Variants in RSPH3 observed in about 807,000 individuals in gnomAD.
RSPH3 encodes the protein radial spoke head protein 3 homolog.
A neutral mutation model predicts 43.8 loss-of-function variants in RSPH3; 21 were observed. The ratio of observed to expected loss-of-function variants is 0.48; its 90% confidence interval spans 0.34 to 0.69. The LOEUF (loss-of-function observed/expected upper bound fraction) is 0.69, where lower values mean the gene tolerates loss of function less well. Among genes scored for constraint, RSPH3 ranks in the 30% least tolerant of loss-of-function variants. The pLI, the probability that RSPH3 is intolerant of heterozygous loss-of-function variation, is 0.01. For missense variants in RSPH3, 487 were observed against 516.0 expected (o/e 0.94, Z 0.54); for synonymous variants, 173 against 179.8 (o/e 0.96, Z 0.30).
At position 158,977,435 on chromosome 6, in the gene RSPH3, TA is replaced by T; in HGVS notation, c.*102del. The T allele has an allele frequency of 9.9e-7, 1 of 1,008,782 alleles. No homozygotes were observed. The highest frequency in any genetic ancestry group is 1.5e-6 in the Non-Finnish European group (1 of 684,628). 62.5% of individuals were successfully genotyped at this position (1,008,782 alleles called of 1,614,324 possible). On this transcript the variant is annotated 3_prime_UTR_variant, in exon 8 of 8. Coordinates refer to ENST00000367069, the MANE Select transcript of RSPH3 (RefSeq NM_031924.8). ...CCATTACACAAAAAGACATACTGAC[TA>T]AATACAACATAATTTCTATAACCTG...
Position 158,983,734 on chromosome 6 carries a change from G to C in RSPH3, c.420C>G (p.Asp140Glu). ...DMECQTDAFL[D>E]RPPTPLFIPA... ...GAATAAAGAGTGGTGTTGGTGGTCT[G>C]TCCAAAAATGCATCTGTTTGGCATT... is the stretch of plus-strand genomic sequence containing the variant. The change falls in exon 4 of 8, where the codon GAC becomes GAG. Residue 140 changes from aspartate to glutamate, a missense_variant. Physicochemically the swap from Asp to Glu is conservative, Grantham distance 45. Coordinates refer to ENST00000367069, the MANE Select transcript of RSPH3 (RefSeq NM_031924.8). The C allele has an allele frequency of 6.2e-7, 1 of 1,610,840 alleles. No individual in the cohort carries two copies. Among genetic ancestry groups the C allele is most frequent in the Admixed American group, 1.7e-5 (1 of 60,018 alleles).
rs185236699 is a variant in RSPH3 at position 158,993,351 on chromosome 6, C to T, written c.204+488G>A. On this transcript the variant is annotated intron_variant, in intron 2 of 7. Transcript: ENST00000367069. ...CAGAATGGTCTTGATCTCCTGACCT[C>T]GTGAGCTGCCCGCCTTGGCCTCCCA... Among the ~76,000 whole-genome samples the T allele has an allele frequency of 2.0e-3, 295 of 151,140 alleles. 3 individuals carry two copies. The highest frequency in any genetic ancestry group is 3.6e-3 in the Non-Finnish European group (244 of 67,882).
chr6:158,998,506 GT>G (rs1047551078), intron 1 of RSPH3, among the ~76,000 whole-genome samples: 10 of 146,792 alleles, frequency 6.8e-5, no homozygotes, highest in Admixed American at 5.4e-4. Context: ...CTTATGTTTT[GT>G]TTTTTTTCTT....
rs575283259 is a variant in RSPH3, at chr6:158,988,745, T to C, written c.205-2324A>G. On this transcript the variant is annotated intron_variant, in intron 2 of 7. Coordinates refer to ENST00000367069, the MANE Select transcript of RSPH3 (RefSeq NM_031924.8). ...AAGATTTCTGCTTGATTTTTAAAAA[T>C]TATTTCAATCTCTTTGTTACATTTC... 3.3e-5 allele frequency among the ~76,000 whole-genome samples: 5 copies of C among 152,286 alleles called. No homozygotes were observed. In the South Asian group the frequency reaches 1.0e-3, roughly 32 times the overall value.
rs186518785 is a variant in RSPH3 at position 158,989,346 on chromosome 6, C to A, written c.205-2925G>T. ...ACAGGCATGAGACACTGCGCCCCGA[C>A]AGAGATCCTTTATCACTAGATTGCT... is the stretch of plus-strand genomic sequence containing the variant. On this transcript the variant is annotated intron_variant, in intron 2 of 7. Transcript: ENST00000367069. The surrounding 1 kb of genome is among the most constrained non-coding windows in gnomAD (Gnocchi z 4.3). Among the ~76,000 whole-genome samples, 29 of 152,278 alleles carry A rather than the reference C, an allele frequency of 1.9e-4. No individual in the cohort carries two copies. Among genetic ancestry groups the A allele is most frequent in the Middle Eastern group, 3.4e-3 (1 of 294 alleles).
chr6:158,982,288 T>C (rs981433309), intron 5 of RSPH3, among the ~76,000 whole-genome samples, 197 bp downstream of exon 5: 1 of 152,226 alleles, frequency 6.6e-6, no homozygotes, highest in African/African-American at 2.4e-5. Flanking sequence ...TTATGTAAGC[T>C]GGAGTTTAAA....
At chr6:158,995,513 A>G (rs1230875231) in intron 1 of RSPH3, among the ~76,000 whole-genome samples, 1 of 152,058 alleles carries the variant, frequency 6.6e-6, no homozygotes, top group Non-Finnish European at 1.5e-5. Flanking sequence ...TCCAGTCAGC[A>G]TTTGTGTGAT....
rs571921293 is a variant in RSPH3 at position 158,999,569 on chromosome 6, T to A, written c.-19A>T. 27 of 1,607,096 alleles carry A rather than the reference T, an allele frequency of 1.7e-5. No homozygotes were observed. The highest frequency in any genetic ancestry group is 2.2e-5 in the Non-Finnish European group (26 of 1,175,164). On this transcript the variant is annotated 5_prime_UTR_variant, in exon 1 of 8. Coordinates refer to ENST00000367069, the MANE Select transcript of RSPH3 (RefSeq NM_031924.8). ...AGGCCATGTCCGGGGGCTGACTGCC[T>A]CGCTTTCGGTGGAGCTTGGCTTTGA...
chr6:158,987,663 A>G (rs1307114799), intron 2 of RSPH3, among the ~76,000 whole-genome samples: 1 of 152,210 alleles, frequency 6.6e-6, no homozygotes, highest in Non-Finnish European at 1.5e-5. Flanking sequence ...CTTATAAAAA[A>G]CATAGATATA....
chr6:158,982,762 G>T, intron 4 of RSPH3, 74 bp from the exon 5 acceptor site: 8 of 857,940 alleles, frequency 9.3e-6, no homozygotes, highest in African/African-American at 1.7e-5. Context: ...ATAATGAATA[G>T]CAATAACAAG....
At chr6:158,966,436 G>A in the RSPH3 span, among the ~76,000 whole-genome samples, 1 of 152,078 alleles carries the variant, frequency 6.6e-6, no homozygotes. Flanking sequence ...GAATTCATCG[G>A]TGAAGCTGTC....
chr6:158,999,040 C>T (rs1190909734), intron 1 of RSPH3, among the ~76,000 whole-genome samples: 3 of 152,244 alleles, frequency 2.0e-5, no homozygotes, highest in Non-Finnish European at 4.4e-5. Flanking sequence ...GCGGTCTCCT[C>T]ATCTGCATAA....
rs1778323108 is a variant in RSPH3, at chr6:158,989,055, T to TA, written c.205-2635dup. Among the ~76,000 whole-genome samples, 1 of 151,910 alleles carries TA rather than the reference T, an allele frequency of 6.6e-6. No individual in the cohort carries two copies. The highest frequency in any genetic ancestry group is 2.4e-5 in the African/African-American group (1 of 41,372). ...GATATATTTTCTTAGAGTTTTTTTT[T>TA]ATCTTTTTTGAGACAGAGTCTCGCT... On this transcript the variant is annotated intron_variant, in intron 2 of 7. Coordinates refer to ENST00000367069, the MANE Select transcript of RSPH3 (RefSeq NM_031924.8). This position sits in a 1 kb window ranked among gnomAD's most constrained non-coding sequence, Gnocchi z 4.3.
At chr6:158,965,866 G>A in the RSPH3 span, among the ~76,000 whole-genome samples, 6 of 151,960 alleles carry the variant, frequency 3.9e-5, no homozygotes, top group Non-Finnish European at 5.9e-5. Context: ...ATCTTTCACC[G>A]TTAAGTATTA....
Position 158,977,022 on chromosome 6 carries a change from C to G in RSPH3, c.*516G>C, listed in dbSNP as rs961841809. On this transcript the variant is annotated 3_prime_UTR_variant, in exon 8 of 8. Coordinates refer to ENST00000367069, the MANE Select transcript of RSPH3 (RefSeq NM_031924.8). ...AGAGATGGGGTTTCTCCTTGTTGGT[C>G]TGGCTGGTCTCAAACTCCCGACCTC... 4 of 153,024 alleles carry G rather than the reference C, an allele frequency of 2.6e-5. No homozygotes were observed. The highest frequency in any genetic ancestry group is 4.4e-5 in the Non-Finnish European group (3 of 68,786). The allele number at this position is 153,024 out of a possible 1,614,324, so 9.5% of individuals were successfully genotyped here.
At position 158,999,787 on chromosome 6, in the gene RSPH3, C is replaced by T. The variant is rs1487270105; in HGVS notation, c.-237G>A. The stretch of plus-strand genomic sequence containing the variant: ...CCAGCTGCGGGGGCCGCATCGGTTG[C>T]CCAGCAACCCAGGGTTCTGTCTGGG... On this transcript the variant is annotated 5_prime_UTR_variant, in exon 1 of 8. Coordinates refer to ENST00000367069, the MANE Select transcript of RSPH3 (RefSeq NM_031924.8). 1.2e-6 allele frequency: 2 copies of T among 1,611,872 alleles called. No homozygotes were observed. Among genetic ancestry groups the T allele is most frequent in the Admixed American group, 3.3e-5 (2 of 59,886 alleles).
chr6:158,977,415 A>G lies in RSPH3; in HGVS notation c.*123T>C, dbSNP rs1439520481. The G allele has an allele frequency of 2.5e-6, 2 of 804,132 alleles. No homozygotes were observed. Among genetic ancestry groups the G allele is most frequent in the Middle Eastern group, 2.3e-4 (1 of 4,286 alleles). 49.8% of individuals were successfully genotyped at this position (804,132 alleles called of 1,614,324 possible). ...TCACATTTGATTGGCCCAGTCCATT[A>G]CACAAAAAGACATACTGACTAAATA... On this transcript the variant is annotated 3_prime_UTR_variant, in exon 8 of 8. Transcript: ENST00000367069.
Position 158,975,822 on chromosome 6 carries a change from G to A in RSPH3, c.*1716C>T, listed in dbSNP as rs1427500607. The stretch of plus-strand genomic sequence containing the variant: ...TGGTACCTAACTTAAAAGAAATTAA[G>A]GTAAATGGGTTAATAATTATAAGTT... On this transcript the variant is annotated 3_prime_UTR_variant, in exon 8 of 8. Coordinates refer to ENST00000367069, the MANE Select transcript of RSPH3 (RefSeq NM_031924.8). 6.6e-6 allele frequency: 1 copy of A among 152,120 alleles called. No homozygotes were observed. Among genetic ancestry groups the A allele is most frequent in the Non-Finnish European group, 1.5e-5 (1 of 68,022 alleles). The allele number at this position is 152,120 out of a possible 1,614,324, so 9.4% of individuals were successfully genotyped here. A position where few individuals can be genotyped will look rare whatever the true frequency, so the allele number is the denominator to read the frequency against.
Position 158,999,661 on chromosome 6 carries a change from G to A in RSPH3, c.-111C>T. ...AAGTAGTGCCAAGGGCAAGGATTCC[G>A]CGACGCGAGGAGAGGCGACAACAAG... On this transcript the variant is annotated 5_prime_UTR_variant, in exon 1 of 8. Coordinates refer to ENST00000367069, the MANE Select transcript of RSPH3 (RefSeq NM_031924.8). The A allele has an allele frequency of 6.2e-7, 1 of 1,614,132 alleles. No homozygotes were observed. Among genetic ancestry groups the A allele is most frequent in the Non-Finnish European group, 8.5e-7 (1 of 1,180,008 alleles).
Sources: allele counts gnomAD v4.1 joint callset (sites outside exome capture counted in the v4.1 genomes callset), GRCh38; gene constraint gnomAD v4.1.1; non-coding constraint Gnocchi (gnomAD v3.1); transcripts MANE v1.5; gene names NCBI Gene and HGNC (gene_info 2026-07-23, HGNC 2026-07-21).